MYH7B: variants seen among roughly 807,000 people sequenced by gnomAD.
MYH7B encodes the protein myosin-7B.
Under a neutral mutation model 234.5 loss-of-function variants are expected in MYH7B, and 205 were observed. The ratio of observed to expected loss-of-function variants is 0.87; its 90% CI spans 0.78 to 0.98. The LOEUF (loss-of-function observed/expected upper bound fraction) is 0.98, where lower values mean the gene tolerates loss of function less well. MYH7B is among the 50% of genes least tolerant of loss of function. MYH7B has a pLI of 0.00. For missense variants in MYH7B, 2,652 were observed against 2,633.4 expected (o/e 1.01, Z -0.15); for synonymous variants, 1,193 against 1,105.0 (o/e 1.08, Z -1.58).
chr20:35,002,225 C>T (rs2082406145), exon 45 of MYH7B: 3 of 1,504,520 alleles, frequency 2.0e-6, no homozygotes, highest in Non-Finnish European at 2.7e-6. Flanking sequence ...GGAATGTCTG[C>T]TGTTGCACAT....
exon 20 of MYH7B, chr20:34,989,753 T>C (rs537586583): frequency 1.3e-5 from 21 of 1,613,986 alleles, no homozygotes; most frequent in Non-Finnish European, 1.6e-5. Context: ...CTGGGCATCC[T>C]GTCCATCCTG....
chr20:34,986,587 A>G (rs2082027412), intron 14 of MYH7B, among the ~76,000 whole-genome samples: 1 of 152,206 alleles, frequency 6.6e-6, no homozygotes, highest in African/African-American at 2.4e-5. Context: ...AGAGGGGGCC[A>G]TGAGCAACAG....
chr20:34,988,112 G>C, exon 19 of MYH7B: 1 of 1,613,884 alleles, frequency 6.2e-7, no homozygotes, highest in Non-Finnish European at 8.5e-7. Context: ...TCGAACAGCT[G>C]TGCATCAACT....
At chr20:34,996,786 GCCTTCTGAGCCTGCA>G in intron 30 of MYH7B, 28 bp downstream of exon 30, 1 of 1,595,632 alleles carries the variant, frequency 6.3e-7, no homozygotes, top group Non-Finnish European at 8.5e-7. Context: ...GCAGGTGGGG[GCCTTCTGAGCCTGCA>G]CCTGGCCCTT....
At chr20:34,987,585 G>C (rs750679198) in exon 17 of MYH7B, 3 of 1,613,790 alleles carry the variant, frequency 1.9e-6, no homozygotes, top group Non-Finnish European at 2.5e-6. Context: ...ACCTGATGGG[G>C]GTCAGCAGTG....
intron 3 of MYH7B, among the ~76,000 whole-genome samples, 183 bp downstream of exon 3, chr20:34,975,682 GC>G (rs1429319818): frequency 2.0e-5 from 3 of 152,152 alleles, no homozygotes; most frequent in Non-Finnish European, 4.4e-5. Context: ...TAGGGTCTGG[GC>G]GGCTGTAATT....
At chr20:34,990,198 A>G (rs1477037063) in intron 21 of MYH7B, 36 bp from the exon 22 acceptor site, 4 of 1,614,038 alleles carry the variant, frequency 2.5e-6, no homozygotes, top group Non-Finnish European at 3.4e-6. Flanking sequence ...ACAGAGCGAC[A>G]TTCCCTGGAG....
intron 43 of MYH7B, 87 bp from the exon 44 acceptor site, chr20:35,001,861 A>C: frequency 6.5e-7 from 1 of 1,539,144 alleles, no homozygotes; most frequent in South Asian, 1.3e-5. Flanking sequence ...AACCAGGAGG[A>C]GCTAGCTCCC....
intron 22 of MYH7B, 71 bp from the exon 23 acceptor site, chr20:34,990,667 T>G: frequency 6.9e-7 from 1 of 1,456,424 alleles, no homozygotes; most frequent in East Asian, 2.3e-5. Flanking sequence ...GTCTCGGTCC[T>G]GACCACTGCG....
intron 3 of MYH7B, among the ~76,000 whole-genome samples, chr20:34,975,706 G>A (rs1424383133): frequency 6.6e-6 from 1 of 151,972 alleles, no homozygotes; most frequent in Non-Finnish European, 1.5e-5. Context: ...GATAAATATC[G>A]CCAAGTTTGG....
At chr20:34,998,137 ATC>A (rs1194986420) in intron 32 of MYH7B, among the ~76,000 whole-genome samples, 156 bp from the exon 33 acceptor site, 1 of 152,088 alleles carries the variant, frequency 6.6e-6, no homozygotes, top group African/African-American at 2.4e-5. Flanking sequence ...CAGCAGTAGA[ATC>A]TCTTTCCCTG....
chr20:34,980,519 C>A, intron 7 of MYH7B, 59 bp from the exon 8 acceptor site: 1 of 1,436,016 alleles, frequency 7.0e-7, no homozygotes, highest in Non-Finnish European at 9.8e-7. Context: ...GCCTGGGAGA[C>A]AGAGCAAGAC....
At chr20:34,974,970 C>T (rs1384131874) in intron 2 of MYH7B, among the ~76,000 whole-genome samples, 3 of 152,076 alleles carry the variant, frequency 2.0e-5, no homozygotes, top group African/African-American at 7.3e-5. Flanking sequence ...GAGGTTCTCA[C>T]AGAGACAATG....
rs773271016 is a variant in MYH7B at position 35,001,233 on chromosome 20, C to T, written c.5476-12C>T. On this transcript the variant is annotated splice_polypyrimidine_tract_variant and intron_variant, in intron 41 of 44. Transcript: ENST00000262873. ...GGGTGGGCTTGGCATCAGGCTGTCC[C>T]CCTGCCTGCAGGTACGGGAGCTGGA... is the stretch of plus-strand genomic sequence containing the variant. 1 of 1,608,320 alleles carries T rather than the reference C, an allele frequency of 6.2e-7. No individual in the cohort carries two copies. The highest frequency in any genetic ancestry group is 8.5e-7 in the Non-Finnish European group (1 of 1,176,662).
exon 28 of MYH7B, chr20:34,995,478 G>C (rs1196151062): frequency 6.2e-7 from 1 of 1,613,968 alleles, no homozygotes; most frequent in Non-Finnish European, 8.5e-7. Flanking sequence ...GCCCGCCGGC[G>C]CAAGCTGGAG....
At chr20:34,967,239 T>A (rs1156470449) in intron 2 of MYH7B, among the ~76,000 whole-genome samples, 1 of 150,684 alleles carries the variant, frequency 6.6e-6, no homozygotes, top group Non-Finnish European at 1.5e-5. Context: ...AAAAAAAAAA[T>A]AGGAAATTTA....
At chr20:34,998,391 A>T in exon 33 of MYH7B, 1 of 1,613,446 alleles carries the variant, frequency 6.2e-7, no homozygotes, top group Non-Finnish European at 8.5e-7. Context: ...GGACGCAAGC[A>T]CGCAGCGTGG....
At chr20:34,971,459 C>T (rs2081793437) in intron 2 of MYH7B, among the ~76,000 whole-genome samples, 1 of 151,864 alleles carries the variant, frequency 6.6e-6, no homozygotes, top group African/African-American at 2.4e-5. Flanking sequence ...GGATAAACAG[C>T]CCTGATGCCT....
intron 24 of MYH7B, among the ~76,000 whole-genome samples, 170 bp downstream of exon 24, chr20:34,991,291 C>T (rs1420913081): frequency 1.3e-5 from 2 of 152,096 alleles, no homozygotes; most frequent in South Asian, 2.1e-4. Flanking sequence ...CAGACCTGGC[C>T]GGGGACTTGG....
Sources: allele counts gnomAD v4.1 joint callset (sites outside exome capture counted in the v4.1 genomes callset), GRCh38; gene constraint gnomAD v4.1.1; transcripts MANE v1.5; gene names NCBI Gene and HGNC (gene_info 2026-07-23, HGNC 2026-07-21).